The following GOSR1 variants were observed in gnomAD, a reference collection of about 807,000 sequenced individuals.
GOSR1 encodes 28 kDa Golgi SNARE protein.
GOSR1 carries 21 observed loss-of-function variants against 35.5 expected under a neutral mutation model. That is an observed-to-expected ratio of 0.59 (90% CI 0.42 to 0.85). The LOEUF (loss-of-function observed/expected upper bound fraction) is 0.85. Ranked by LOEUF, GOSR1 falls within the 40% of genes least tolerant of loss-of-function variation. The pLI, the probability that GOSR1 is intolerant of heterozygous loss-of-function variation, is 0.00. For synonymous variants in GOSR1, 94 were observed against 106.6 expected, an observed-to-expected ratio of 0.88 and a Z score of 0.73; for missense variants, 285 against 309.6, an observed-to-expected ratio of 0.92 and a Z score of 0.60.
chr17:30,505,274 C>T (rs1967358845), intron 6 of GOSR1, among the ~76,000 whole-genome samples: 1 of 152,086 alleles, frequency 6.6e-6, no homozygotes, highest in African/African-American at 2.4e-5. Context: ...GTGGCTTATG[C>T]CTGTGATTCC....
At position 30,506,187 on chromosome 17, in the gene GOSR1, A is replaced by G. The variant is rs1304524527; in HGVS notation, c.510-4693A>G. Among the ~76,000 whole-genome samples the G allele has an allele frequency of 4.6e-5, 7 of 152,246 alleles. No individual in the cohort carries two copies. In the East Asian group the frequency reaches 9.7e-4, roughly 21 times the overall value. On this transcript the variant is annotated intron_variant, in intron 6 of 8. Coordinates refer to ENST00000451249, the MANE Select transcript of GOSR1 (RefSeq NM_001007025.2). ...TTCAAGTGAAAGGAAGAGTTGCACAACTCTTTCAATCAGAAGGCAGAAACC... is the reference window on the plus strand; with the variant it reads ...TTCAAGTGAAAGGAAGAGTTGCACAGCTCTTTCAATCAGAAGGCAGAAACC...
rs973807255 is a variant in GOSR1, at chr17:30,527,581, C to T, written c.*5203C>T. Reference sequence around the variant, plus strand: ...TCAGCAAAGCCAGGGGTACAGGGCTCACCTGACATAAGAGATATCCTTGGG... The same window carrying T: ...TCAGCAAAGCCAGGGGTACAGGGCTTACCTGACATAAGAGATATCCTTGGG... On this transcript the variant is annotated 3_prime_UTR_variant, in exon 9 of 9. Transcript: ENST00000451249. The T allele has an allele frequency of 6.7e-6, 1 of 150,118 alleles. No individual in the cohort carries two copies. The highest frequency in any genetic ancestry group is 6.6e-5 in the Admixed American group (1 of 15,232). The allele number at this position is 150,118 out of a possible 1,614,324, so 9.3% of individuals were successfully genotyped here. A position where few individuals can be genotyped will look rare whatever the true frequency, so the allele number is the denominator to read the frequency against.
At chr17:30,511,486 T>C (rs1203873221) in intron 7 of GOSR1, among the ~76,000 whole-genome samples, 1 of 152,200 alleles carries the variant, frequency 6.6e-6, no homozygotes, top group Non-Finnish European at 1.5e-5. Flanking sequence ...AAGCATTGGT[T>C]TTCAGGAAAG....
At chr17:30,481,368 G>A in intron 2 of GOSR1, 111 bp downstream of exon 2, 1 of 717,528 alleles carries the variant, frequency 1.4e-6, no homozygotes, top group South Asian at 2.5e-5. Context: ...TGAATTTTTG[G>A]TGTTTTGTTT....
chr17:30,488,748 A>G (rs144791950), intron 4 of GOSR1, among the ~76,000 whole-genome samples: 4,354 of 151,348 alleles, frequency 0.029, 207 homozygotes, highest in African/African-American at 0.1. Context: ...ATGTTGGCCA[A>G]GCTGGTCTCG....
At chr17:30,492,477 T>G (rs1442771370) in intron 5 of GOSR1, among the ~76,000 whole-genome samples, 2 of 152,242 alleles carry the variant, frequency 1.3e-5, no homozygotes, top group Non-Finnish European at 1.5e-5. Context: ...TGGGCCTAAA[T>G]TAGAGATGCA....
chr17:30,505,509 T>C (rs2143811978), intron 6 of GOSR1, among the ~76,000 whole-genome samples: 1 of 152,372 alleles, frequency 6.6e-6, no homozygotes, highest in Admixed American at 6.5e-5. Context: ...TGAAGGTTGG[T>C]GGCAACCCTG....
At chr17:30,517,042 A>G (rs1967845883) in intron 7 of GOSR1, among the ~76,000 whole-genome samples, 1 of 152,178 alleles carries the variant, frequency 6.6e-6, no homozygotes, top group Admixed American at 6.5e-5. Flanking sequence ...ATACCCAAAT[A>G]CTATGTAATC....
chr17:30,485,047 C>T, intron 4 of GOSR1: 1 of 441,352 alleles, frequency 2.3e-6, no homozygotes. Context: ...AGCTAGCTAG[C>T]TGTAACAGTG....
At chr17:30,479,306 AT>A (rs1476286150) in intron 1 of GOSR1, 1 of 152,250 alleles carries the variant, frequency 6.6e-6, no homozygotes, top group Non-Finnish European at 1.5e-5. Context: ...GAATACTCGT[AT>A]CTGTGTGTGG....
At chr17:30,505,031 G>GT (rs535144996) in intron 6 of GOSR1, among the ~76,000 whole-genome samples, 34 of 152,272 alleles carry the variant, frequency 2.2e-4, no homozygotes, top group African/African-American at 3.9e-4. Flanking sequence ...GATACATTGA[G>GT]TTTATTTAGT....
intron 6 of GOSR1, among the ~76,000 whole-genome samples, chr17:30,505,934 G>A (rs1431921169): frequency 6.6e-6 from 1 of 152,044 alleles, no homozygotes; most frequent in Non-Finnish European, 1.5e-5. Flanking sequence ...CATTATATTG[G>A]CCAAGCTAGT....
chr17:30,485,600 G>T (rs998857668), intron 4 of GOSR1, among the ~76,000 whole-genome samples: 3 of 152,078 alleles, frequency 2.0e-5, no homozygotes, highest in African/African-American at 7.2e-5. Context: ...CCTGTGTATG[G>T]GCAATCCACC....
chr17:30,499,428 A>G (rs1159433083), intron 6 of GOSR1, among the ~76,000 whole-genome samples: 6 of 141,518 alleles, frequency 4.2e-5, no homozygotes, highest in Admixed American at 3.8e-4. Context: ...TGCAACCTCC[A>G]CCTCCTGGGT....
chr17:30,524,430 A>G lies in GOSR1; in HGVS notation c.*2052A>G, dbSNP rs778312626. On this transcript the variant is annotated 3_prime_UTR_variant, in exon 9 of 9. Coordinates refer to ENST00000451249, the MANE Select transcript of GOSR1 (RefSeq NM_001007025.2). The stretch of plus-strand genomic sequence containing the variant: ...GGTTGTCTGAAATGGAGATCACTGT[A>G]AAACTGTCTTTTTCTTTTAAATTAC... The G allele has an allele frequency of 6.6e-6, 1 of 152,202 alleles. No individual in the cohort carries two copies. 9.4% of individuals were successfully genotyped at this position (152,202 alleles called of 1,614,324 possible).
chr17:30,496,832 A>G (rs1186950377), intron 6 of GOSR1, among the ~76,000 whole-genome samples: 1 of 152,232 alleles, frequency 6.6e-6, no homozygotes, highest in African/African-American at 2.4e-5. Flanking sequence ...GTATAGAACC[A>G]TCTAAAAGGT....
intron 8 of GOSR1, among the ~76,000 whole-genome samples, chr17:30,521,391 C>T (rs1038249604): frequency 3.3e-5 from 5 of 151,598 alleles, no homozygotes; most frequent in African/African-American, 1.2e-4. Context: ...CCATGTTGCC[C>T]AGGCGAGTCT....
chr17:30,484,871 AAG>A (rs1914582576), intron 4 of GOSR1, 101 bp downstream of exon 4: 2 of 736,352 alleles, frequency 2.7e-6, no homozygotes, highest in South Asian at 1.5e-5. Flanking sequence ...TAAAAGGACA[AAG>A]AGAAAAATCT....
At chr17:30,484,814 G>C (rs79652800) in intron 4 of GOSR1, 44 bp downstream of exon 4, 22 of 1,045,788 alleles carry the variant, frequency 2.1e-5, no homozygotes, top group Admixed American at 5.2e-5. Context: ...ACAGGAGTTT[G>C]GGTTTTTTTT....
Sources: allele counts gnomAD v4.1 joint callset (sites outside exome capture counted in the v4.1 genomes callset), GRCh38; gene constraint gnomAD v4.1.1; transcripts MANE v1.5; gene names NCBI Gene and HGNC (gene_info 2026-07-23, HGNC 2026-07-21).